COL4A4: variants seen among roughly 807,000 people sequenced by gnomAD.
COL4A4 encodes the protein collagen type IV alpha 4 chain.
A neutral mutation model predicts 192.9 loss-of-function variants in COL4A4; 105 were observed. The ratio of observed to expected loss-of-function variants is 0.54; its 90% confidence interval spans 0.46 to 0.64. The LOEUF is 0.64. COL4A4 is among the 30% of genes least tolerant of loss of function. The pLI is 0.00. For synonymous variants in COL4A4, 762 were observed against 769.9 expected (o/e 0.99, Z 0.17); for missense variants, 1,967 against 2,169.3 (o/e 0.91, Z 1.85).
At chr2:227,078,782 CACCCCT>C (rs2059171376) in intron 24 of COL4A4, among the ~76,000 whole-genome samples, 2 of 152,310 alleles carry the variant, frequency 1.3e-5, no homozygotes, top group South Asian at 4.1e-4. Context: ...CATCATCCTC[CACCCCT>C]GTGGGTAAAA....
intron 41 of COL4A4, among the ~76,000 whole-genome samples, chr2:227,029,689 C>T (rs953142425): frequency 5.3e-5 from 8 of 152,096 alleles, no homozygotes; most frequent in Non-Finnish European, 1.2e-4. Flanking sequence ...CTTTTTTCAA[C>T]AAAAAGCTTC....
rs769363556 is a variant in COL4A4 at position 227,057,554 on chromosome 2, G to C, written c.2430C>G (p.Gly810=). The part of the protein sequence containing the change: ...PGFLGLKGPK[G]REGHAGFPGV... ...CTGGAAACCCAGCATGTCCCTCTCTGCCTTTGGGACCTTTGAGACCTAGGA... is the reference window on the plus strand; with the variant it reads ...CTGGAAACCCAGCATGTCCCTCTCTCCCTTTGGGACCTTTGAGACCTAGGA... Residue 810 remains glycine (G), a synonymous_variant, in exon 29 of 48, where the codon GGC becomes GGG. Coordinates refer to ENST00000396625, the MANE Select transcript of COL4A4 (RefSeq NM_000092.5). 7.2e-5 allele frequency: 117 copies of C among 1,613,964 alleles called. 2 individuals are homozygous for C. The Middle Eastern group carries it at 2.3e-3, about 32-fold the overall frequency.
At chr2:227,081,567 G>T (rs2059327270) in intron 23 of COL4A4, among the ~76,000 whole-genome samples, 1 of 152,134 alleles carries the variant, frequency 6.6e-6, no homozygotes, top group Non-Finnish European at 1.5e-5. Flanking sequence ...TGGCTTCCTT[G>T]CTCCTCAGCT....
Position 227,123,311 on chromosome 2 carries a change from AG to A in COL4A4, c.193-2164del, listed in dbSNP as rs946635151. Among the ~76,000 whole-genome samples the A allele has an allele frequency of 1.3e-5, 2 of 152,236 alleles. No individual in the cohort carries two copies. The highest frequency in any genetic ancestry group is 3.2e-3 in the Middle Eastern group (1 of 316). ...AAGAGAAACCGGAAATCCACGGGAA[AG>A]GCACCAACCTGAGACTCAGTGAATA... On this transcript the variant is annotated intron_variant, in intron 4 of 47. Transcript: ENST00000396625. This position sits in a 1 kb window ranked among gnomAD's most constrained non-coding sequence, Gnocchi z 4.6.
chr2:227,059,351 T>C (rs951221433), intron 28 of COL4A4, 54 bp downstream of exon 28: 3 of 1,423,114 alleles, frequency 2.1e-6, no homozygotes, highest in African/African-American at 2.8e-5. Context: ...TTCAGTGACC[T>C]GTTCCAAAAC....
At chr2:227,138,925 G>A (rs1266043440) in intron 4 of COL4A4, among the ~76,000 whole-genome samples, 1 of 152,180 alleles carries the variant, frequency 6.6e-6, no homozygotes, top group Admixed American at 6.5e-5. Context: ...GTCATGCACA[G>A]CCCCCTACAA....
At chr2:227,109,447 C>G in intron 9 of COL4A4, 161 bp from the exon 10 acceptor site, 1 of 729,438 alleles carries the variant, frequency 1.4e-6, no homozygotes, top group Non-Finnish European at 2.5e-6. Context: ...TTTGATGCAG[C>G]CCTAAAAGGG....
intron 4 of COL4A4, among the ~76,000 whole-genome samples, chr2:227,129,030 ATAT>A: frequency 6.6e-6 from 1 of 152,196 alleles, no homozygotes. Flanking sequence ...CCCTCCAAAA[ATAT>A]TATAATCATA....
At chr2:227,039,414 G>T (rs552894487) in intron 37 of COL4A4, among the ~76,000 whole-genome samples, 11 of 152,106 alleles carry the variant, frequency 7.2e-5, no homozygotes, top group African/African-American at 2.4e-4. Context: ...CAGCTGATCC[G>T]CCTGCCTCAG....
chr2:227,143,067 TACAA>T (rs1305647730), intron 3 of COL4A4, among the ~76,000 whole-genome samples: 3 of 152,146 alleles, frequency 2.0e-5, no homozygotes, highest in African/African-American at 7.2e-5. Context: ...CACAGATGTG[TACAA>T]ACACACTTTT....
intron 27 of COL4A4, 35 bp downstream of exon 27, chr2:227,060,101 G>GACAAAA (rs1976528096): frequency 2.5e-6 from 1 of 399,128 alleles, no homozygotes; most frequent in Non-Finnish European, 4.0e-6. Flanking sequence ...TCCCAAAGCA[G>GACAAAA]AAAAAAAAAA....
At chr2:227,133,206 A>C (rs1369296835) in intron 4 of COL4A4, among the ~76,000 whole-genome samples, 1 of 152,164 alleles carries the variant, frequency 6.6e-6, no homozygotes, top group Non-Finnish European at 1.5e-5. Flanking sequence ...CCCTGTTGCA[A>C]ATCACTGACA....
intron 19 of COL4A4, among the ~76,000 whole-genome samples, chr2:227,096,777 TTAAG>T (rs1477121268): frequency 6.6e-6 from 1 of 152,196 alleles, no homozygotes; most frequent in Non-Finnish European, 1.5e-5. Flanking sequence ...TGCAAATGCA[TTAAG>T]TATTTCACTG....
At chr2:227,099,887 G>A (rs927271727) in intron 17 of COL4A4, among the ~76,000 whole-genome samples, 198 bp from the exon 18 acceptor site, 2 of 152,152 alleles carry the variant, frequency 1.3e-5, no homozygotes, top group Non-Finnish European at 2.9e-5. Context: ...AGTAGTGGAA[G>A]TAAATAGCAA....
intron 7 of COL4A4, among the ~76,000 whole-genome samples, chr2:227,118,208 C>T (rs1191228241): frequency 6.6e-6 from 1 of 152,102 alleles, no homozygotes; most frequent in Non-Finnish European, 1.5e-5. Flanking sequence ...ATAATAAGTG[C>T]CAGAATCCCT....
At chr2:226,977,227 C>G in the COL4A4 span, among the ~76,000 whole-genome samples, 1 of 152,188 alleles carries the variant, frequency 6.6e-6, no homozygotes, top group Non-Finnish European at 1.5e-5. Flanking sequence ...TGTGTCTCCC[C>G]TTCGGCAAGC....
At chr2:227,130,918 A>G (rs368036009) in intron 4 of COL4A4, among the ~76,000 whole-genome samples, 3 of 151,218 alleles carry the variant, frequency 2.0e-5, no homozygotes, top group African/African-American at 7.3e-5. Context: ...TCCACCTCCC[A>G]TCCACTTCCC....
chr2:227,153,581 C>G (rs1299373892), intron 1 of COL4A4, among the ~76,000 whole-genome samples: 1 of 152,076 alleles, frequency 6.6e-6, no homozygotes, highest in Non-Finnish European at 1.5e-5. Context: ...AGAACTGACT[C>G]TGGGATGAGG....
rs2059037323 is a variant in COL4A4 at position 227,076,624 on chromosome 2, G to A, written c.1987+1270C>T. On this transcript the variant is annotated intron_variant, in intron 25 of 47. Transcript: ENST00000396625. ...AATACCAAAAGCAATTGCAAAAGAAGCCAAATTGACAAATGGGATCTAATC... is the reference window on the plus strand; with the variant it reads ...AATACCAAAAGCAATTGCAAAAGAAACCAAATTGACAAATGGGATCTAATC... Among the ~76,000 whole-genome samples, 3 of 152,204 alleles carry A rather than the reference G, an allele frequency of 2.0e-5. No homozygotes were observed. In the South Asian group the frequency reaches 6.2e-4, roughly 32 times the overall value.
Sources: allele counts gnomAD v4.1 joint callset (sites outside exome capture counted in the v4.1 genomes callset), GRCh38; gene constraint gnomAD v4.1.1; non-coding constraint Gnocchi (gnomAD v3.1); transcripts MANE v1.5; gene names NCBI Gene and HGNC (gene_info 2026-07-23, HGNC 2026-07-21).